The following BBS4 variants were observed in gnomAD, a reference collection of about 807,000 sequenced individuals.
BBS4 encodes the protein Bardet-Biedl syndrome 4.
A neutral mutation model predicts 71.4 loss-of-function variants in BBS4; 58 were observed. The observed-to-expected ratio is 0.81, with a 90% CI of 0.66 to 1.01. BBS4 has a LOEUF of 1.01. Among genes scored for constraint, BBS4 ranks in the 50% least tolerant of loss-of-function variants. BBS4 has a pLI of 0.00. For synonymous variants in BBS4, 228 were observed against 216.8 expected (o/e 1.05, Z -0.46); for missense variants, 660 against 607.9 (o/e 1.09, Z -0.90).
At chr15:72,688,404 A>C (rs1429677787) in intron 1 of BBS4, among the ~76,000 whole-genome samples, 1 of 65,544 alleles carries the variant, frequency 1.5e-5, no homozygotes. Context: ...AGGAAGTGGT[A>C]TTTTATCTTT....
At chr15:72,710,681 A>G (rs898644085) in intron 3 of BBS4, among the ~76,000 whole-genome samples, 1 of 152,098 alleles carries the variant, frequency 6.6e-6, no homozygotes, top group Non-Finnish European at 1.5e-5. Flanking sequence ...CTTTTTTGGT[A>G]TCCAGAGCTT....
chr15:72,735,581 G>C, intron 13 of BBS4: 1 of 585,268 alleles, frequency 1.7e-6, no homozygotes, highest in Non-Finnish European at 3.0e-6. Flanking sequence ...TTCAACCCTG[G>C]CCTAGGTAGT....
rs572587464 is a variant in BBS4 at position 72,700,392 on chromosome 15, G to C, written c.76+5164G>C. Among the ~76,000 whole-genome samples, 144 of 152,280 alleles carry C rather than the reference G, an allele frequency of 9.5e-4. No individual in the cohort carries two copies. The Middle Eastern group carries it at 0.014, about 14-fold the overall frequency. Reference sequence around the variant, plus strand: ...AAGTATTTTCCAAAGTGGTTGTACAGTTTTACCCGACCGCCAGCAACGTGT... The same window carrying C: ...AAGTATTTTCCAAAGTGGTTGTACACTTTTACCCGACCGCCAGCAACGTGT... On this transcript the variant is annotated intron_variant, in intron 2 of 15. Coordinates refer to ENST00000268057, the MANE Select transcript of BBS4 (RefSeq NM_033028.5).
chr15:72,732,610 G>A (rs1024439369), intron 12 of BBS4, among the ~76,000 whole-genome samples: 4 of 152,002 alleles, frequency 2.6e-5, no homozygotes, highest in African/African-American at 9.7e-5. Flanking sequence ...TTTGAGGGTT[G>A]CCTGAATACA....
At chr15:72,687,974 G>A (rs1363287029) in intron 1 of BBS4, among the ~76,000 whole-genome samples, 1 of 144,040 alleles carries the variant, frequency 6.9e-6, no homozygotes, top group East Asian at 2.2e-4. Flanking sequence ...ATGTTACTGG[G>A]TTTTAAATAT....
At chr15:72,701,402 A>G (rs988036100) in intron 2 of BBS4, among the ~76,000 whole-genome samples, 8 of 152,166 alleles carry the variant, frequency 5.3e-5, no homozygotes, top group Admixed American at 3.3e-4. Context: ...ATTGTGATGT[A>G]TTATGAATAA....
At chr15:72,697,688 A>G (rs2065099852) in intron 2 of BBS4, among the ~76,000 whole-genome samples, 1 of 152,188 alleles carries the variant, frequency 6.6e-6, no homozygotes, top group Non-Finnish European at 1.5e-5. Flanking sequence ...CGTTATTTGA[A>G]CAAGTAGCAA....
chr15:72,710,764 A>G (rs913666303), intron 3 of BBS4, among the ~76,000 whole-genome samples: 1 of 151,638 alleles, frequency 6.6e-6, no homozygotes, highest in Non-Finnish European at 1.5e-5. Context: ...ACTAATTCAT[A>G]CTGGTATGAC....
At position 72,735,979 on chromosome 15, in the gene BBS4, T is replaced by C; in HGVS notation, c.1248+13T>C. 1 of 1,614,064 alleles carries C rather than the reference T, an allele frequency of 6.2e-7. No individual in the cohort carries two copies. The highest frequency in any genetic ancestry group is 8.5e-7 in the Non-Finnish European group (1 of 1,179,966). Reference sequence around the variant, plus strand: ...ATTTGACTCTGAGGTATGTCTTTTATTAGCTCCCAAGAGTCATAAGTAAGC... The same window carrying C: ...ATTTGACTCTGAGGTATGTCTTTTACTAGCTCCCAAGAGTCATAAGTAAGC... On this transcript the variant is annotated intron_variant, in intron 14 of 15. Transcript: ENST00000268057.
intron 6 of BBS4, 30 bp from the exon 7 acceptor site, chr15:72,722,764 A>T: frequency 6.2e-7 from 1 of 1,603,924 alleles, no homozygotes; most frequent in Non-Finnish European, 8.5e-7. Flanking sequence ...ATTACACCTG[A>T]GTTGTTTTCC....
chr15:72,737,012 G>GTGTC, intron 15 of BBS4, 49 bp downstream of exon 15: 1 of 1,580,130 alleles, frequency 6.3e-7, no homozygotes, highest in Non-Finnish European at 8.7e-7. Flanking sequence ...CAAGCCACAT[G>GTGTC]TGTCTGTCAG....
At chr15:72,724,836 C>G (rs951719336) in intron 8 of BBS4, among the ~76,000 whole-genome samples, 181 bp downstream of exon 8, 1 of 152,146 alleles carries the variant, frequency 6.6e-6, no homozygotes, top group African/African-American at 2.4e-5. Context: ...TCTTTCTTAC[C>G]TATAAGGATG....
chr15:72,736,696 A>G, intron 14 of BBS4, 66 bp from the exon 15 acceptor site: 1 of 1,530,946 alleles, frequency 6.5e-7, no homozygotes, highest in Admixed American at 1.7e-5. Flanking sequence ...CGAAGACCAA[A>G]GAAGTGGGTT....
At chr15:72,698,067 A>C (rs372165235) in intron 2 of BBS4, 1 of 455,126 alleles carries the variant, frequency 2.2e-6, no homozygotes, top group Non-Finnish European at 4.4e-6. Context: ...GCTTGAGTCT[A>C]TTTTCTTCCT....
At chr15:72,697,024 C>G (rs932832725) in intron 2 of BBS4, among the ~76,000 whole-genome samples, 6 of 152,238 alleles carry the variant, frequency 3.9e-5, no homozygotes, top group Non-Finnish European at 8.8e-5. Context: ...CCTCCACCTC[C>G]TGGGTTCAAG....
At chr15:72,702,901 G>A (rs1020494134) in intron 2 of BBS4, among the ~76,000 whole-genome samples, 10 of 137,608 alleles carry the variant, frequency 7.3e-5, no homozygotes, top group African/African-American at 2.1e-4. Context: ...TCCGCCTTCC[G>A]GGTTCACGCC....
Position 72,695,221 on chromosome 15 carries a change from GA to G in BBS4, c.75del (p.Ala26LeufsTer13). The G allele has an allele frequency of 6.3e-7, 1 of 1,596,860 alleles. No homozygotes were observed. The highest frequency in any genetic ancestry group is 8.6e-7 in the Non-Finnish European group (1 of 1,165,054). On this transcript the variant is annotated frameshift_variant, in exon 2 of 16. Transcript: ENST00000268057. LOFTEE classifies it high-confidence loss of function. Reference sequence around the variant, plus strand: ...CTACTGAGTCTCAAAAACCCCGGCAGAAAAAAGGTCTGTATGCAGTTTCATG... The same window carrying G: ...CTACTGAGTCTCAAAAACCCCGGCAGAAAAAGGTCTGTATGCAGTTTCATG... ...VSTESQKPRQKKAPEFPILEK... is the reference protein window; with the variant it reads ...VSTESQKPRQXKAPEFPILEK...
At position 72,715,862 on chromosome 15, in the gene BBS4, CTG is replaced by C. The variant is rs1213548643; in HGVS notation, c.332+462_332+463del. Among the ~76,000 whole-genome samples the C allele has an allele frequency of 2.6e-5, 4 of 152,204 alleles. No individual in the cohort carries two copies. The East Asian group carries it at 7.7e-4, about 29-fold the overall frequency. On this transcript the variant is annotated intron_variant, in intron 5 of 15. Coordinates refer to ENST00000268057, the MANE Select transcript of BBS4 (RefSeq NM_033028.5). ...AAAATTGTTATGTATTCAGTAGAAA[CTG>C]TACTTCAAGTATCCATACAGCCATT...
chr15:72,718,144 T>A (rs1227036993), intron 6 of BBS4, among the ~76,000 whole-genome samples: 1 of 152,192 alleles, frequency 6.6e-6, no homozygotes, highest in Non-Finnish European at 1.5e-5. Flanking sequence ...ACACCACGCC[T>A]GACCCTCCTT....
Sources: gnomAD v4.1 joint callset for allele counts (sites outside exome capture counted in the v4.1 genomes callset) on GRCh38, gnomAD v4.1.1 for gene constraint, MANE v1.5 for transcripts, NCBI Gene and HGNC (gene_info 2026-07-23, HGNC 2026-07-21) for gene names.